The following FAM13C variants were observed in gnomAD, a reference collection of about 807,000 sequenced individuals.
FAM13C encodes protein FAM13C.
Under a neutral mutation model 73.2 loss-of-function variants are expected in FAM13C, and 37 were observed. That is an observed-to-expected ratio of 0.51 (90% CI 0.39 to 0.67). The LOEUF (loss-of-function observed/expected upper bound fraction) is 0.67. Among genes scored for constraint, FAM13C ranks in the 30% least tolerant of loss-of-function variants. The probability of loss-of-function intolerance (pLI) is 0.00; values close to 1 mark genes in which losing one functional copy is unlikely to be tolerated. For synonymous variants in FAM13C, 246 were observed against 260.9 expected, an observed-to-expected ratio of 0.94 and a Z score of 0.55; for missense variants, 589 against 715.6, an observed-to-expected ratio of 0.82 and a Z score of 2.02.
chr10:59,345,415 T>C (rs779449391), intron 3 of FAM13C, among the ~76,000 whole-genome samples: 2 of 152,244 alleles, frequency 1.3e-5, no homozygotes, highest in Non-Finnish European at 2.9e-5. Flanking sequence ...TTCTGAGATG[T>C]ATTGCCCAGG....
chr10:59,291,114 C>T (rs566817115), intron 5 of FAM13C, among the ~76,000 whole-genome samples: 11 of 152,260 alleles, frequency 7.2e-5, no homozygotes, highest in African/African-American at 1.7e-4. Flanking sequence ...CTACTTGCCC[C>T]AGGGCCAGAA....
intron 3 of FAM13C, among the ~76,000 whole-genome samples, chr10:59,342,977 G>C (rs1229080405): frequency 1.3e-5 from 2 of 152,316 alleles, no homozygotes; most frequent in African/African-American, 4.8e-5. Flanking sequence ...CAGAAACCCA[G>C]CTCCCATATC....
At chr10:59,347,327 T>G (rs755863749) in intron 3 of FAM13C, among the ~76,000 whole-genome samples, 11 of 152,076 alleles carry the variant, frequency 7.2e-5, no homozygotes, top group Admixed American at 1.3e-4. Context: ...ACCCCACCCA[T>G]GGTTCATTCT....
intron 4 of FAM13C, among the ~76,000 whole-genome samples, chr10:59,305,841 G>A (rs1564555665): frequency 6.6e-6 from 1 of 152,242 alleles, no homozygotes; most frequent in Non-Finnish European, 1.5e-5. Context: ...GGGTGAGGAG[G>A]AAGACTGCTG....
At chr10:59,249,422 A>C (rs1417958953) in intron 13 of FAM13C, among the ~76,000 whole-genome samples, 2 of 150,962 alleles carry the variant, frequency 1.3e-5, no homozygotes, top group Non-Finnish European at 3.0e-5. Context: ...AAAAAAAAAA[A>C]AAAAAAAAGA....
In FAM13C at chr10:59,246,365, T is replaced by G. The variant is rs941744443; in HGVS notation, c.*1249A>C. 3.8e-6 allele frequency: 1 copy of G among 262,814 alleles called. No individual in the cohort carries two copies. The highest frequency in any genetic ancestry group is 6.4e-5 in the East Asian group (1 of 15,548). The allele number at this position is 262,814 out of a possible 1,614,324, so 16.3% of individuals were successfully genotyped here. Reference sequence around the variant, plus strand: ...TCTGATTCATAAAAGTTATAAAATATTAGGTAAATACAGAGAAAACAATAA... The same window carrying G: ...TCTGATTCATAAAAGTTATAAAATAGTAGGTAAATACAGAGAAAACAATAA... On this transcript the variant is annotated 3_prime_UTR_variant, in exon 14 of 14. Transcript: ENST00000618804.
chr10:59,317,105 A>G (rs546268491), intron 4 of FAM13C, among the ~76,000 whole-genome samples: 1 of 145,556 alleles, frequency 6.9e-6, no homozygotes, highest in Non-Finnish European at 1.5e-5. Flanking sequence ...CTCTGTGTGT[A>G]TGTGTATGTC....
At chr10:59,318,884 GAGA>G (rs1489262882) in intron 4 of FAM13C, among the ~76,000 whole-genome samples, 8 of 152,024 alleles carry the variant, frequency 5.3e-5, no homozygotes, top group African/African-American at 1.9e-4. Flanking sequence ...AATGAGGAAG[GAGA>G]AGAAGATCCT....
intron 2 of FAM13C, among the ~76,000 whole-genome samples, 180 bp from the exon 3 acceptor site, chr10:59,352,654 A>G (rs750600541): frequency 3.9e-5 from 6 of 152,324 alleles, no homozygotes; most frequent in South Asian, 2.1e-4. Flanking sequence ...ATTTCACTCT[A>G]TATCACTTCA....
intron 3 of FAM13C, among the ~76,000 whole-genome samples, chr10:59,347,732 G>C (rs1179622463): frequency 1.3e-5 from 2 of 149,686 alleles, no homozygotes; most frequent in Non-Finnish European, 3.0e-5. Context: ...CTATGTCCAT[G>C]TGTTCTCATT....
At chr10:59,267,650 G>A (rs1200798312) in intron 8 of FAM13C, among the ~76,000 whole-genome samples, 1 of 152,148 alleles carries the variant, frequency 6.6e-6, no homozygotes, top group Non-Finnish European at 1.5e-5. Flanking sequence ...GAATGGAAGA[G>A]TGGAATATTA....
intron 3 of FAM13C, among the ~76,000 whole-genome samples, chr10:59,324,548 A>G (rs1297197708): frequency 1.3e-5 from 2 of 152,070 alleles, no homozygotes; most frequent in East Asian, 3.9e-4. Flanking sequence ...TGAGATTGGA[A>G]TAAGTTGAAC....
chr10:59,258,289 G>T (rs1225847261), intron 10 of FAM13C, among the ~76,000 whole-genome samples: 3 of 152,078 alleles, frequency 2.0e-5, no homozygotes, highest in African/African-American at 7.2e-5. Context: ...TTCTAGACCA[G>T]CCTGGGCAAA....
At chr10:59,275,168 A>G (rs1164723056) in intron 6 of FAM13C, among the ~76,000 whole-genome samples, 1 of 152,186 alleles carries the variant, frequency 6.6e-6, no homozygotes, top group East Asian at 1.9e-4. Flanking sequence ...AAACAGAAAG[A>G]CCACTGAAGG....
chr10:59,270,689 C>T (rs562596101), intron 6 of FAM13C, among the ~76,000 whole-genome samples: 2 of 152,208 alleles, frequency 1.3e-5, no homozygotes, highest in African/African-American at 4.8e-5. Context: ...CCACAAATTT[C>T]AAAACAAAAC....
At chr10:59,346,181 A>AATCTTAGTTC (rs1317964800) in intron 3 of FAM13C, among the ~76,000 whole-genome samples, 7 of 135,598 alleles carry the variant, frequency 5.2e-5, no homozygotes, top group Non-Finnish European at 1.1e-4. Context: ...TTGAAAACAT[A>AATCTTAGTTC]ATCTTAGTTC....
At chr10:59,360,998 AAGCAC>A in intron 1 of FAM13C, 1 of 1,287,686 alleles carries the variant, frequency 7.8e-7, no homozygotes. Context: ...TTAGTACTTT[AAGCAC>A]AGCAAAGGGA....
chr10:59,246,797 C>T lies in FAM13C; in HGVS notation c.*817G>A, dbSNP rs1368636217. On this transcript the variant is annotated 3_prime_UTR_variant, in exon 14 of 14. Coordinates refer to ENST00000618804, the MANE Select transcript of FAM13C (RefSeq NM_198215.4). ...CCCAATGAAAAAATAGTTATATCAT[C>T]TTATAGTAAACCAAAAGATTAGCAA... The T allele has an allele frequency of 3.8e-5, 15 of 391,448 alleles. No homozygotes were observed. Among genetic ancestry groups the T allele is most frequent in the Non-Finnish European group, 5.4e-5 (12 of 221,728 alleles). 24.2% of individuals were successfully genotyped at this position (391,448 alleles called of 1,614,324 possible). A position where few individuals can be genotyped will look rare whatever the true frequency, so the allele number is the denominator to read the frequency against.
At chr10:59,290,933 G>A (rs1407953063) in intron 5 of FAM13C, among the ~76,000 whole-genome samples, 1 of 152,160 alleles carries the variant, frequency 6.6e-6, no homozygotes, top group African/African-American at 2.4e-5. Flanking sequence ...AAACCTTAAA[G>A]TGCTTAAAAA....
Sources: gnomAD v4.1 joint callset for allele counts (sites outside exome capture counted in the v4.1 genomes callset) on GRCh38, gnomAD v4.1.1 for gene constraint, MANE v1.5 for transcripts, NCBI Gene and HGNC (gene_info 2026-07-23, HGNC 2026-07-21) for gene names.